Variants in PRRC2C observed in about 807,000 individuals in gnomAD.
The protein encoded by PRRC2C is protein PRRC2C.
In PRRC2C, 72 loss-of-function variants were observed where a neutral mutation model predicts 317.2. The observed-to-expected ratio is 0.23, with a 90% CI of 0.19 to 0.28. The LOEUF (loss-of-function observed/expected upper bound fraction) is 0.28. Among genes scored for constraint, PRRC2C ranks in the 10% least tolerant of loss-of-function variants. The pLI is 1.00. For missense variants in PRRC2C, 3,074 were observed against 3,459.7 expected, an observed-to-expected ratio of 0.89 and a Z score of 2.80; for synonymous variants, 1,296 against 1,205.9, an observed-to-expected ratio of 1.07 and a Z score of -1.55.
chr1:171,589,924 CTT>C (rs1335655960), intron 34 of PRRC2C, among the ~76,000 whole-genome samples: 1 of 149,342 alleles, frequency 6.7e-6, no homozygotes, highest in East Asian at 2.0e-4. Flanking sequence ...TAGATGCACA[CTT>C]TTTTTTGGAA....
chr1:171,585,590 A>G (rs146410810), intron 30 of PRRC2C, among the ~76,000 whole-genome samples: 3 of 152,306 alleles, frequency 2.0e-5, no homozygotes, highest in Non-Finnish European at 4.4e-5. Context: ...CTCATAGCTC[A>G]TTTTGACCAG....
intron 26 of PRRC2C, among the ~76,000 whole-genome samples, chr1:171,579,105 C>G (rs1439811933): frequency 6.6e-6 from 1 of 152,068 alleles, no homozygotes; most frequent in African/African-American, 2.4e-5. Flanking sequence ...TATCTATACC[C>G]CATTGGCGGT....
chr1:171,547,633 C>CTTTTTTTTTTTTTTTTTTTTTTTTT (rs35480518), intron 17 of PRRC2C, among the ~76,000 whole-genome samples: 1 of 129,840 alleles, frequency 7.7e-6, no homozygotes, highest in African/African-American at 2.9e-5. Flanking sequence ...AGTTTCCCTT[C>CTTTTTTTTTTTTTTTTTTTTTTTTT]TTTTTTTTTT....
rs573719786 is a variant in PRRC2C at position 171,532,462 on chromosome 1, T to C, written c.1374T>C (p.Ser458=). ...KQRRRQQSEI[S]AAVERARKRR... is the part of the protein sequence containing the mutation. Reference sequence around the variant, plus strand: ...GACGAAGACAACAATCAGAAATTTCTGCAGCAGTAGAACGTGCTCGTAAAC... The same window carrying C: ...GACGAAGACAACAATCAGAAATTTCCGCAGCAGTAGAACGTGCTCGTAAAC... Residue 458 remains serine (S), a synonymous_variant, in exon 12 of 35, where the codon TCT becomes TCC. Transcript: ENST00000647382. 6.2e-7 allele frequency: 1 copy of C among 1,613,754 alleles called. No homozygotes were observed. Among genetic ancestry groups the C allele is most frequent in the East Asian group, 2.2e-5 (1 of 44,868 alleles).
intron 26 of PRRC2C, 125 bp from the exon 27 acceptor site, chr1:171,579,229 A>G (rs1647948927): frequency 5.3e-6 from 7 of 1,332,686 alleles, no homozygotes; most frequent in South Asian, 1.7e-5. Flanking sequence ...TAGTTTTTCC[A>G]TGGCTGTATT....
intron 9 of PRRC2C, 26 bp from the exon 10 acceptor site, chr1:171,524,795 A>G (rs1397824122): frequency 1.3e-6 from 2 of 1,527,870 alleles, no homozygotes; most frequent in Non-Finnish European, 1.8e-6. Context: ...GGTCCACTTT[A>G]TTTCTTCTGC....
chr1:171,588,604 C>G (rs1191924747), intron 33 of PRRC2C, 99 bp downstream of exon 33: 1 of 1,281,850 alleles, frequency 7.8e-7, no homozygotes, highest in African/African-American at 1.5e-5. Flanking sequence ...TTAAGAAGTA[C>G]AGTTTTTAAT....
intron 23 of PRRC2C, among the ~76,000 whole-genome samples, chr1:171,569,262 T>C (rs1684258640): frequency 1.5e-5 from 1 of 65,640 alleles, no homozygotes; most frequent in East Asian, 6.3e-4. Flanking sequence ...TTTAAAGGTC[T>C]GTCACAAAGA....
rs1650505720 is a variant in PRRC2C, at chr1:171,588,234, T to C, written c.8073-145T>C. ...ACCTCTGCTCCTCCAATGTCTCTCT[T>C]CTACCAGAATGTTTTGGTAATCATC... On this transcript the variant is annotated intron_variant, in intron 32 of 34. Transcript: ENST00000647382. 4 of 917,260 alleles carry C rather than the reference T, an allele frequency of 4.4e-6. No individual in the cohort carries two copies. In the South Asian group the frequency reaches 6.0e-5, roughly 14 times the overall value. The allele number at this position is 917,260 out of a possible 1,614,324, so 56.8% of individuals were successfully genotyped here.
chr1:171,513,668 C>A (rs1313047210), intron 3 of PRRC2C, among the ~76,000 whole-genome samples: 1 of 152,102 alleles, frequency 6.6e-6, no homozygotes, highest in African/African-American at 2.4e-5. Context: ...ACTATTTAGA[C>A]TTCTGTATGT....
At chr1:171,487,465 A>G (rs1666339585) in intron 1 of PRRC2C, among the ~76,000 whole-genome samples, 1 of 152,238 alleles carries the variant, frequency 6.6e-6, no homozygotes, top group African/African-American at 2.4e-5. Context: ...TGCTAAGGTT[A>G]AAGTTTTGAA....
intron 5 of PRRC2C, 126 bp from the exon 6 acceptor site, chr1:171,517,465 G>A: frequency 2.3e-6 from 2 of 860,024 alleles, no homozygotes; most frequent in Non-Finnish European, 3.6e-6. Flanking sequence ...AGTAGGACCT[G>A]GATTAGACTT....
intron 34 of PRRC2C, among the ~76,000 whole-genome samples, chr1:171,590,045 A>T (rs553729692): frequency 1.9e-4 from 28 of 146,426 alleles, no homozygotes; most frequent in Middle Eastern, 6.9e-3. Context: ...TCCTCCTCCC[A>T]GCAGCTTAAA....
At chr1:171,507,574 GTACTT>G in intron 1 of PRRC2C, among the ~76,000 whole-genome samples, 1 of 152,188 alleles carries the variant, frequency 6.6e-6, no homozygotes, top group South Asian at 2.1e-4. Flanking sequence ...TTGCATTACT[GTACTT>G]AAGTAGCCTG....
intron 20 of PRRC2C, 71 bp from the exon 21 acceptor site, chr1:171,566,162 T>G: frequency 2.0e-5 from 25 of 1,260,896 alleles, no homozygotes; most frequent in Non-Finnish European, 3.3e-6. Context: ...ACTTAAACTG[T>G]ATAGTGCTTC....
At chr1:171,550,262 G>A (rs1196906917) in intron 18 of PRRC2C, 22 bp downstream of exon 18, 2 of 1,536,156 alleles carry the variant, frequency 1.3e-6, no homozygotes, top group Non-Finnish European at 1.8e-6. Context: ...GTTTCAACTT[G>A]TTGCTAGTTA....
rs1244596289 is a variant in PRRC2C at position 171,589,354 on chromosome 1, G to A, written c.8200-15G>A. ...TTAACAGTTCAATGTTGTATGTTTT[G>A]TTTTTTTCACTCAGATTCTCTCCCA... On this transcript the variant is annotated splice_polypyrimidine_tract_variant and intron_variant, in intron 33 of 34. Transcript: ENST00000647382. 1 of 736,518 alleles carries A rather than the reference G, an allele frequency of 1.4e-6. No homozygotes were observed. The highest frequency in any genetic ancestry group is 1.8e-6 in the Non-Finnish European group (1 of 540,748). The allele number at this position is 736,518 out of a possible 1,614,324, so 45.6% of individuals were successfully genotyped here.
At chr1:171,565,230 C>T (rs943238672) in intron 20 of PRRC2C, among the ~76,000 whole-genome samples, 1 of 152,182 alleles carries the variant, frequency 6.6e-6, no homozygotes, top group African/African-American at 2.4e-5. Flanking sequence ...ACTCTTTCCA[C>T]TGATCTTGTC....
chr1:171,527,680 C>G, intron 10 of PRRC2C, 111 bp from the exon 11 acceptor site: 2 of 821,988 alleles, frequency 2.4e-6, no homozygotes, highest in Non-Finnish European at 3.8e-6. Context: ...TGCTTGGCCC[C>G]GGGAGACAGA....
Sources: allele counts gnomAD v4.1 joint callset (sites outside exome capture counted in the v4.1 genomes callset), GRCh38; gene constraint gnomAD v4.1.1; transcripts MANE v1.5; gene names NCBI Gene and HGNC (gene_info 2026-07-23, HGNC 2026-07-21).